The following CSMD2 variants were observed in gnomAD, a reference collection of about 807,000 sequenced individuals.
CSMD2 encodes CUB and sushi domain-containing protein 2.
CSMD2 carries 130 observed loss-of-function variants against 398.5 expected under a neutral mutation model. The ratio of observed to expected loss-of-function variants is 0.33; its 90% confidence interval spans 0.28 to 0.38. The LOEUF (loss-of-function observed/expected upper bound fraction) is 0.38. Ranked by LOEUF, CSMD2 falls within the 10% of genes least tolerant of loss-of-function variation. CSMD2 has a pLI of 1.00. For synonymous variants in CSMD2, 1,828 were observed against 1,908.5 expected, an observed-to-expected ratio of 0.96 and a Z score of 1.10; for missense variants, 3,829 against 4,764.9, an observed-to-expected ratio of 0.80 and a Z score of 5.78.
intron 3 of CSMD2, among the ~76,000 whole-genome samples, chr1:33,992,586 C>T (rs1294907067): frequency 3.3e-5 from 5 of 150,388 alleles, no homozygotes; most frequent in Admixed American, 6.6e-5. Flanking sequence ...TTAGATAACT[C>T]GGCCGGGTGT....
At position 33,931,539 on chromosome 1, in the gene CSMD2, C is replaced by T. The variant is rs1644313519; in HGVS notation, c.712+4221G>A. Among the ~76,000 whole-genome samples, 3 of 152,170 alleles carry T rather than the reference C, an allele frequency of 2.0e-5. No homozygotes were observed. The East Asian group carries it at 5.8e-4, about 29-fold the overall frequency. ...CTGAGAGTTGGAAAGTCATTTTATT[C>T]TCTCCCAGCCTTTGAGCAGAACCAC... On this transcript the variant is annotated intron_variant, in intron 4 of 70. Coordinates refer to ENST00000373381, the MANE Select transcript of CSMD2 (RefSeq NM_001281956.2).
chr1:33,816,492 G>GA (rs1657477263), intron 9 of CSMD2, among the ~76,000 whole-genome samples: 1 of 152,190 alleles, frequency 6.6e-6, no homozygotes, highest in Non-Finnish European at 1.5e-5. Context: ...ACTTTAATCA[G>GA]AGATGCTCCA....
intron 2 of CSMD2, among the ~76,000 whole-genome samples, chr1:34,065,997 T>A (rs762440147): frequency 1.3e-5 from 2 of 152,182 alleles, no homozygotes; most frequent in African/African-American, 2.4e-5. Flanking sequence ...AATGGTCAAC[T>A]CTGAAGTCTG....
At chr1:33,711,132 T>G (rs1645973455) in intron 21 of CSMD2, among the ~76,000 whole-genome samples, 1 of 152,294 alleles carries the variant, frequency 6.6e-6, no homozygotes, top group Non-Finnish European at 1.5e-5. Context: ...TACATAGACG[T>G]TTCCAGCATG....
At chr1:33,992,000 A>G (rs150724712) in intron 3 of CSMD2, among the ~76,000 whole-genome samples, 13 of 152,336 alleles carry the variant, frequency 8.5e-5, no homozygotes, top group African/African-American at 3.1e-4. Flanking sequence ...GTTGCTAATC[A>G]GGAAAATGCA....
rs551772637 is a variant in CSMD2 at position 33,965,549 on chromosome 1, C to G, written c.518-29595G>C. On this transcript the variant is annotated intron_variant, in intron 3 of 70. Transcript: ENST00000373381. ...TGATGCTGGGTGCTATCAGGAAGTG[C>G]TCCATAACTGGGGTCCTTGCCTTCT... 9.2e-4 allele frequency among the ~76,000 whole-genome samples: 140 copies of G among 152,296 alleles called. 2 individuals are homozygous for G. The highest frequency in any genetic ancestry group is 3.3e-3 in the African/African-American group (138 of 41,540).
chr1:34,114,228 C>T (rs1661380336), intron 1 of CSMD2, among the ~76,000 whole-genome samples: 1 of 152,128 alleles, frequency 6.6e-6, no homozygotes, highest in Non-Finnish European at 1.5e-5. Flanking sequence ...GGAAAGCCCC[C>T]AGAACCTCTA....
chr1:33,735,860 G>A (rs534434118), intron 15 of CSMD2, among the ~76,000 whole-genome samples: 1 of 152,324 alleles, frequency 6.6e-6, no homozygotes, highest in African/African-American at 2.4e-5. Context: ...AGACAAAGAT[G>A]CTGATTGCAA....
Position 33,624,228 on chromosome 1 carries a change from C to A in CSMD2, c.5625+291G>T, listed in dbSNP as rs1433535651. ...TTCTTCTTTTAGCCTCCCCTCCTGG[C>A]CATGGCCAATCAATGCCCACCTCTC... On this transcript the variant is annotated intron_variant, in intron 35 of 70. Transcript: ENST00000373381. The surrounding 1 kb of genome is among the most constrained non-coding windows in gnomAD (Gnocchi z 4.7). Among the ~76,000 whole-genome samples the A allele has an allele frequency of 1.3e-5, 2 of 152,208 alleles. No homozygotes were observed. The highest frequency in any genetic ancestry group is 1.3e-4 in the Admixed American group (2 of 15,288).
rs9425896 is a variant in CSMD2 at position 34,008,704 on chromosome 1, T to C, written c.517+23890A>G. The stretch of plus-strand genomic sequence containing the variant: ...GGAATATAAGTGAAGTCTTACGATA[T>C]TCATTTATTCATTAATAGCTTTGTA... On this transcript the variant is annotated intron_variant, in intron 3 of 70. Transcript: ENST00000373381. Among the ~76,000 whole-genome samples, 289 of 152,322 alleles carry C rather than the reference T, an allele frequency of 1.9e-3. 1 individual carries two copies. The highest frequency in any genetic ancestry group is 6.8e-3 in the African/African-American group (281 of 41,568).
intron 4 of CSMD2, among the ~76,000 whole-genome samples, chr1:33,928,838 T>C (rs1389345723): frequency 6.6e-6 from 1 of 152,168 alleles, no homozygotes; most frequent in Non-Finnish European, 1.5e-5. Context: ...CTTCTCCATG[T>C]TGTTAAATTT....
intron 3 of CSMD2, among the ~76,000 whole-genome samples, chr1:33,960,677 G>A (rs1645327164): frequency 6.6e-6 from 1 of 152,174 alleles, no homozygotes; most frequent in Non-Finnish European, 1.5e-5. Context: ...TGGAAACAGA[G>A]ACTCTCATTT....
At chr1:33,572,406 T>C (rs1493992) in intron 50 of CSMD2, 100 bp downstream of exon 50, 461,515 of 990,932 alleles carry the variant, frequency 0.47, 105,509 homozygotes, top group Admixed American at 0.64. Flanking sequence ...TTTTTTTTTT[T>C]CCCCCTCATT....
chr1:33,614,245 C>T (rs1641237561), intron 40 of CSMD2, among the ~76,000 whole-genome samples: 1 of 151,506 alleles, frequency 6.6e-6, no homozygotes, highest in South Asian at 2.1e-4. Context: ...TTTCTCATTC[C>T]ACATTCCTGG....
At chr1:33,960,360 C>CA (rs1462439577) in intron 3 of CSMD2, among the ~76,000 whole-genome samples, 5 of 152,248 alleles carry the variant, frequency 3.3e-5, no homozygotes, top group Non-Finnish European at 5.9e-5. Flanking sequence ...ATTCAACACA[C>CA]AAAATCCACG....
chr1:33,606,443 T>G (rs1640614875), intron 41 of CSMD2, among the ~76,000 whole-genome samples: 1 of 152,200 alleles, frequency 6.6e-6, no homozygotes, highest in Non-Finnish European at 1.5e-5. Context: ...ATTCAGTACC[T>G]CACAGGGAAG....
At chr1:33,663,872 AAAGAC>A (rs1214789711) in intron 25 of CSMD2, among the ~76,000 whole-genome samples, 2 of 152,246 alleles carry the variant, frequency 1.3e-5, no homozygotes, top group African/African-American at 2.4e-5. Flanking sequence ...GAAAAGTTGC[AAAGAC>A]AATACGGTGT....
intron 1 of CSMD2, among the ~76,000 whole-genome samples, chr1:34,112,126 C>A (rs143461282): frequency 6.6e-6 from 1 of 152,104 alleles, no homozygotes; most frequent in Non-Finnish European, 1.5e-5. Context: ...GAGAAATGTA[C>A]TTCCTCTTAC....
At chr1:33,616,289 G>A (rs1641381701) in intron 39 of CSMD2, among the ~76,000 whole-genome samples, 1 of 151,970 alleles carries the variant, frequency 6.6e-6, no homozygotes, top group Admixed American at 6.6e-5. Context: ...CCAGGCTGGA[G>A]TACAGTGGTG....
Sources: allele counts gnomAD v4.1 joint callset (sites outside exome capture counted in the v4.1 genomes callset), GRCh38; gene constraint gnomAD v4.1.1; non-coding constraint Gnocchi (gnomAD v3.1); transcripts MANE v1.5; gene names NCBI Gene and HGNC (gene_info 2026-07-23, HGNC 2026-07-21).